VWC2L: variants seen among roughly 807,000 people sequenced by gnomAD.
VWC2L encodes the protein von Willebrand factor C domain-containing protein 2-like.
A neutral mutation model predicts 21.6 loss-of-function variants in VWC2L; 10 were observed. The ratio of observed to expected loss-of-function variants is 0.46; its 90% CI spans 0.29 to 0.78. The LOEUF is 0.78. Among genes scored for constraint, VWC2L ranks in the 30% least tolerant of loss-of-function variants. The pLI is 0.10. For synonymous variants in VWC2L, 96 were observed against 94.3 expected, an observed-to-expected ratio of 1.02 and a Z score of -0.10; for missense variants, 209 against 277.1, an observed-to-expected ratio of 0.75 and a Z score of 1.74.
Position 214,482,527 on chromosome 2 carries a change from CTA to C in VWC2L, c.520+45778_520+45779del, listed in dbSNP as rs58132295. Among the ~76,000 whole-genome samples the C allele has an allele frequency of 8.6e-3, 1,256 of 146,318 alleles. 22 individuals carry two copies. The highest frequency in any genetic ancestry group is 0.031 in the African/African-American group (1,180 of 38,648). ...TATGTGTGTATGTATATGTGTGTATCTATATATATACACACACACACACACAT... is the reference window on the plus strand; with the variant it reads ...TATGTGTGTATGTATATGTGTGTATCTATATATACACACACACACACACAT... On this transcript the variant is annotated intron_variant, in intron 3 of 3. Coordinates refer to ENST00000312504, the MANE Select transcript of VWC2L (RefSeq NM_001080500.4).
At chr2:214,412,039 A>G (rs746618763) in intron 1 of VWC2L, among the ~76,000 whole-genome samples, 1 of 152,108 alleles carries the variant, frequency 6.6e-6, no homozygotes, top group Non-Finnish European at 1.5e-5. Context: ...TTTTTAAAAA[A>G]AAAATAGCCT....
chr2:214,468,780 A>G (rs1703262180), intron 3 of VWC2L, among the ~76,000 whole-genome samples: 1 of 152,176 alleles, frequency 6.6e-6, no homozygotes, highest in Admixed American at 6.5e-5. Flanking sequence ...TTGACAAGCC[A>G]CCAAACACAG....
intron 3 of VWC2L, among the ~76,000 whole-genome samples, chr2:214,448,999 G>A (rs76824994): frequency 2.6e-5 from 4 of 152,006 alleles, no homozygotes; most frequent in African/African-American, 7.2e-5. Flanking sequence ...TGCTGTTCCC[G>A]TCATCCAAGG....
Position 214,486,021 on chromosome 2 carries a change from AAGTGGTCTTTTTTCTTCCTGTGT to A in VWC2L, c.520+49264_520+49286del, listed in dbSNP as rs570116445. Among the ~76,000 whole-genome samples, 324 of 152,290 alleles carry A rather than the reference AAGTGGTCTTTTTTCTTCCTGTGT, an allele frequency of 2.1e-3. 1 individual carries two copies. Among genetic ancestry groups the A allele is most frequent in the African/African-American group, 7.6e-3 (315 of 41,552 alleles). On this transcript the variant is annotated intron_variant, in intron 3 of 3. Transcript: ENST00000312504. ...TGATCATTTCATCTAGAATGACATT[AAGTGGTCTTTTTTCTTCCTGTGT>A]CATGTAATATGTGTACTTAGACACT...
chr2:214,483,086 AG>A (rs1249856518), intron 3 of VWC2L, among the ~76,000 whole-genome samples: 1 of 152,136 alleles, frequency 6.6e-6, no homozygotes, highest in African/African-American at 2.4e-5. Context: ...ATGAATGAGG[AG>A]GCTTGAAATG....
intron 3 of VWC2L, among the ~76,000 whole-genome samples, chr2:214,551,333 G>A (rs1488052480): frequency 1.3e-5 from 2 of 152,088 alleles, no homozygotes; most frequent in Non-Finnish European, 2.9e-5. Flanking sequence ...CTTCTTATTC[G>A]TATTTTAAGC....
chr2:214,418,462 A>AC (rs1702388403), intron 2 of VWC2L, among the ~76,000 whole-genome samples: 2 of 152,224 alleles, frequency 1.3e-5, no homozygotes, highest in Admixed American at 1.3e-4. Context: ...CTAGTGATCT[A>AC]CCCCACAGCA....
intron 3 of VWC2L, among the ~76,000 whole-genome samples, chr2:214,453,632 G>T (rs1188736026): frequency 1.3e-5 from 2 of 151,968 alleles, no homozygotes; most frequent in East Asian, 3.9e-4. Flanking sequence ...CATTTATTTA[G>T]TTCTTCCTTA....
chr2:214,495,861 A>G (rs1300650174), intron 3 of VWC2L, among the ~76,000 whole-genome samples: 1 of 152,204 alleles, frequency 6.6e-6, no homozygotes, highest in African/African-American at 2.4e-5. Context: ...CAAAACATGT[A>G]AATTATAGGA....
chr2:214,509,273 A>G (rs1014242068), intron 3 of VWC2L, among the ~76,000 whole-genome samples: 3 of 152,208 alleles, frequency 2.0e-5, no homozygotes, highest in Non-Finnish European at 4.4e-5. Flanking sequence ...ACATGAGGCA[A>G]TTGATGAAAT....
At chr2:214,430,349 TAG>T (rs1432152532) in intron 2 of VWC2L, among the ~76,000 whole-genome samples, 1 of 152,214 alleles carries the variant, frequency 6.6e-6, no homozygotes, top group Non-Finnish European at 1.5e-5. Context: ...TTTTCTATTA[TAG>T]TAGTACCGCC....
intron 3 of VWC2L, among the ~76,000 whole-genome samples, chr2:214,555,332 C>T (rs945752195): frequency 4.6e-5 from 7 of 152,180 alleles, no homozygotes; most frequent in African/African-American, 1.4e-4. Flanking sequence ...TGTAATCCAA[C>T]CACCTTGGGC....
intron 3 of VWC2L, chr2:214,534,020 T>G (rs754002074): frequency 6.6e-6 from 1 of 152,534 alleles, no homozygotes; most frequent in Non-Finnish European, 1.5e-5. Context: ...CGCTGCTTGA[T>G]TCCCTTCAGT....
At chr2:214,522,818 G>C (rs923914286) in intron 3 of VWC2L, among the ~76,000 whole-genome samples, 3 of 151,978 alleles carry the variant, frequency 2.0e-5, no homozygotes, top group Non-Finnish European at 2.9e-5. Flanking sequence ...TGTTGTTTTT[G>C]TTTTGGCTTT....
At chr2:214,532,210 T>G (rs1193080746) in intron 3 of VWC2L, among the ~76,000 whole-genome samples, 1 of 152,088 alleles carries the variant, frequency 6.6e-6, no homozygotes, top group Non-Finnish European at 1.5e-5. Context: ...ATATTAATAG[T>G]AGGGAAGCAA....
At chr2:214,547,575 C>T (rs1269651150) in intron 3 of VWC2L, among the ~76,000 whole-genome samples, 1 of 152,162 alleles carries the variant, frequency 6.6e-6, no homozygotes, top group Non-Finnish European at 1.5e-5. Context: ...CTAGCATCAA[C>T]ATGAAAGCTA....
At chr2:214,538,545 C>T (rs985835637) in intron 3 of VWC2L, among the ~76,000 whole-genome samples, 1 of 151,786 alleles carries the variant, frequency 6.6e-6, no homozygotes, top group Non-Finnish European at 1.5e-5. Flanking sequence ...ACTACTGCAA[C>T]ATAGACGCAA....
At chr2:214,440,111 C>T (rs537610213) in intron 3 of VWC2L, among the ~76,000 whole-genome samples, 50 of 151,990 alleles carry the variant, frequency 3.3e-4, no homozygotes, top group Admixed American at 1.0e-3. Context: ...CTATACCCAA[C>T]AGTAATCTAT....
intron 3 of VWC2L, among the ~76,000 whole-genome samples, chr2:214,512,322 G>A (rs570772987): frequency 3.4e-4 from 52 of 152,156 alleles, no homozygotes; most frequent in African/African-American, 1.2e-3. Flanking sequence ...ACCAAATACT[G>A]CATGTTCACT....
Sources: allele counts gnomAD v4.1 joint callset (sites outside exome capture counted in the v4.1 genomes callset), GRCh38; gene constraint gnomAD v4.1.1; transcripts MANE v1.5; gene names NCBI Gene and HGNC (gene_info 2026-07-23, HGNC 2026-07-21).